TSC1: variants seen among roughly 807,000 people sequenced by gnomAD.
TSC1 encodes TSC complex subunit 1.
A neutral mutation model predicts 124.3 loss-of-function variants in TSC1; 20 were observed. The ratio of observed to expected loss-of-function variants is 0.16; its 90% CI spans 0.11 to 0.23. The LOEUF is 0.23. Among genes scored for constraint, TSC1 ranks in the 10% least tolerant of loss-of-function variants. The pLI, the probability that TSC1 is intolerant of heterozygous loss-of-function variation, is 1.00. For missense variants in TSC1, 1,124 were observed against 1,448.5 expected, an observed-to-expected ratio of 0.78 and a Z score of 3.64; for synonymous variants, 493 against 539.1, an observed-to-expected ratio of 0.91 and a Z score of 1.19.
chr9:132,907,455 G>T, intron 12 of TSC1, 85 bp from the exon 13 acceptor site: 1 of 1,046,900 alleles, frequency 9.6e-7, no homozygotes, highest in Non-Finnish European at 1.5e-6. Flanking sequence ...TTAAAGGTCA[G>T]CCGAGTGCAG....
Position 132,903,900 on chromosome 9 carries a change from TAAC to T in TSC1, c.2042-86_2042-84del. 1.1e-5 allele frequency: 16 copies of T among 1,513,568 alleles called. No individual in the cohort carries two copies. The highest frequency in any genetic ancestry group is 1.5e-5 in the Non-Finnish European group (16 of 1,097,108). The allele number at this position is 1,513,568 out of a possible 1,614,324, so 93.8% of individuals were successfully genotyped here. ...GCCCCCTTCCCATGTGTTGTTAGCT[TAAC>T]AAACACAATTCTTTAAAAACAAATC... is the stretch of plus-strand genomic sequence containing the variant. On this transcript the variant is annotated intron_variant, in intron 16 of 22. Transcript: ENST00000298552. This position sits in a 1 kb window ranked among gnomAD's most constrained non-coding sequence, Gnocchi z 5.9.
chr9:132,896,944 A>G lies in TSC1; in HGVS notation c.2976-190T>C, dbSNP rs747142754. Among the ~76,000 whole-genome samples, 2 of 152,218 alleles carry G rather than the reference A, an allele frequency of 1.3e-5. No homozygotes were observed. The highest frequency in any genetic ancestry group is 2.4e-5 in the African/African-American group (1 of 41,454). ...TCACAACTAGGGATAGTAGGTGGCA[A>G]TCTTAAGTGTGAACACTTCCTGTGG... On this transcript the variant is annotated intron_variant, in intron 22 of 22. Transcript: ENST00000298552. This position sits in a 1 kb window ranked among gnomAD's most constrained non-coding sequence, Gnocchi z 4.5.
Position 132,895,921 on chromosome 9 carries a change from C to G in TSC1, c.*314G>C. The G allele has an allele frequency of 4.4e-6, 2 of 451,662 alleles. No individual in the cohort carries two copies. The highest frequency in any genetic ancestry group is 4.7e-5 in the South Asian group (2 of 42,344). The allele number at this position is 451,662 out of a possible 1,614,324, so 28.0% of individuals were successfully genotyped here. A position where few individuals can be genotyped will look rare whatever the true frequency, so the allele number is the denominator to read the frequency against. On this transcript the variant is annotated 3_prime_UTR_variant, in exon 23 of 23. Transcript: ENST00000298552. The stretch of plus-strand genomic sequence containing the variant: ...AATTTGGCCTCATATTGCACAGGTT[C>G]AAAGGACGCAACCATTTGGGGGGGA...
chr9:132,932,665 C>T (rs938930056), intron 2 of TSC1, among the ~76,000 whole-genome samples: 3 of 152,192 alleles, frequency 2.0e-5, no homozygotes, highest in African/African-American at 4.8e-5. Flanking sequence ...TCCCAACCCC[C>T]CTCTGCCTCT....
chr9:132,894,786 T>C lies in TSC1; in HGVS notation c.*1449A>G. ...CGTACCGTGACAGTTTTTTACCTCT[T>C]TATGACTGAATCCTTCTATTCTTTT... is the stretch of plus-strand genomic sequence containing the variant. On this transcript the variant is annotated 3_prime_UTR_variant, in exon 23 of 23. Coordinates refer to ENST00000298552, the MANE Select transcript of TSC1 (RefSeq NM_000368.5). 1 of 231,608 alleles carries C rather than the reference T, an allele frequency of 4.3e-6. No individual in the cohort carries two copies. Among genetic ancestry groups the C allele is most frequent in the East Asian group, 6.1e-5 (1 of 16,414 alleles). The allele number at this position is 231,608 out of a possible 1,614,324, so 14.3% of individuals were successfully genotyped here. A position where few individuals can be genotyped will look rare whatever the true frequency, so the allele number is the denominator to read the frequency against.
rs1428926819 is a variant in TSC1, at chr9:132,903,506, C to G, written c.2208+145G>C. Reference sequence around the variant, plus strand: ...GAGGGAATTCCGAGGTGTCACCATTCATGTCTTAATCTCAAGCGACCTGCC... The same window carrying G: ...GAGGGAATTCCGAGGTGTCACCATTGATGTCTTAATCTCAAGCGACCTGCC... On this transcript the variant is annotated intron_variant, in intron 17 of 22. Coordinates refer to ENST00000298552, the MANE Select transcript of TSC1 (RefSeq NM_000368.5). This position sits in a 1 kb window ranked among gnomAD's most constrained non-coding sequence, Gnocchi z 5.9. The G allele has an allele frequency of 9.0e-7, 1 of 1,112,358 alleles. No homozygotes were observed. Among genetic ancestry groups the G allele is most frequent in the African/African-American group, 1.5e-5 (1 of 64,664 alleles). 68.9% of individuals were successfully genotyped at this position (1,112,358 alleles called of 1,614,324 possible). A position where few individuals can be genotyped will look rare whatever the true frequency, so the allele number is the denominator to read the frequency against.
At chr9:132,914,119 TG>T (rs1426935354) in intron 8 of TSC1, among the ~76,000 whole-genome samples, 1 of 151,758 alleles carries the variant, frequency 6.6e-6, no homozygotes, top group African/African-American at 2.4e-5. Context: ...AGGCTGGTCT[TG>T]AACTCCTGAC....
intron 9 of TSC1, 113 bp downstream of exon 9, chr9:132,912,169 A>G: frequency 7.5e-7 from 1 of 1,333,992 alleles, no homozygotes; most frequent in Non-Finnish European, 1.0e-6. Context: ...ATTTTGGGAA[A>G]AATCCCTAGG....
chr9:132,900,362 T>C (rs1307714054), intron 20 of TSC1: 4 of 365,824 alleles, frequency 1.1e-5, no homozygotes, highest in Non-Finnish European at 2.1e-5. Context: ...CAGCACTCTA[T>C]ATCCATGGTC....
chr9:132,903,300 C>CT lies in TSC1; in HGVS notation c.2208+350dup, dbSNP rs577163333. Among the ~76,000 whole-genome samples, 31 of 152,360 alleles carry CT rather than the reference C, an allele frequency of 2.0e-4. No homozygotes were observed. The East Asian group carries it at 4.2e-3, about 21-fold the overall frequency. On this transcript the variant is annotated intron_variant, in intron 17 of 22. Coordinates refer to ENST00000298552, the MANE Select transcript of TSC1 (RefSeq NM_000368.5). The surrounding 1 kb of genome is among the most constrained non-coding windows in gnomAD (Gnocchi z 5.9). ...TAGAGCCAAGATTCAAACTCCAGGCCTGACTGGCTTCACACCCGCTGTACA... is the reference window on the plus strand; with the variant it reads ...TAGAGCCAAGATTCAAACTCCAGGCCTTGACTGGCTTCACACCCGCTGTACA...
At position 132,905,896 on chromosome 9, in the gene TSC1, C is replaced by T. The variant is rs2131832724; in HGVS notation, c.1682G>A (p.Ser561Asn). Reference sequence around the variant, plus strand: ...GTCTCCCGCAGGGCTTTCATCAGCACTGCCGCAGGGCAGGTCTATGGGAGT... The same window carrying T: ...GTCTCCCGCAGGGCTTTCATCAGCATTGCCGCAGGGCAGGTCTATGGGAGT... ...AFTPIDLPCG[S>N]ADESPAGDRE... is the part of the protein sequence containing the mutation. Residue 561 changes from serine to asparagine, a missense_variant, in exon 15 of 23, where the codon AGT becomes AAT. Ser to Asn is a conservative substitution (Grantham distance 46). Around this residue, in one of 5 missense-constraint regions of TSC1, gnomAD observed 321 missense variants for 397.4 expected, o/e 0.81. Coordinates refer to ENST00000298552, the MANE Select transcript of TSC1 (RefSeq NM_000368.5). 1 of 1,612,134 alleles carries T rather than the reference C, an allele frequency of 6.2e-7. No individual in the cohort carries two copies. The highest frequency in any genetic ancestry group is 8.5e-7 in the Non-Finnish European group (1 of 1,178,422).
chr9:132,923,700 A>G lies in TSC1; in HGVS notation c.364-208T>C. On this transcript the variant is annotated intron_variant, in intron 5 of 22. Coordinates refer to ENST00000298552, the MANE Select transcript of TSC1 (RefSeq NM_000368.5). This position sits in a 1 kb window ranked among gnomAD's most constrained non-coding sequence, Gnocchi z 4.2. ...ACTGAGCCCCAACTCTACTGTAATGAGTCAGTGAGGACCATTTACAACACA... is the reference window on the plus strand; with the variant it reads ...ACTGAGCCCCAACTCTACTGTAATGGGTCAGTGAGGACCATTTACAACACA... 1 of 675,872 alleles carries G rather than the reference A, an allele frequency of 1.5e-6. No individual in the cohort carries two copies. Among genetic ancestry groups the G allele is most frequent in the Non-Finnish European group, 2.5e-6 (1 of 401,438 alleles). 41.9% of individuals were successfully genotyped at this position (675,872 alleles called of 1,614,324 possible).
At chr9:132,898,693 C>T (rs1456282749) in intron 20 of TSC1, among the ~76,000 whole-genome samples, 3 of 152,232 alleles carry the variant, frequency 2.0e-5, no homozygotes, top group Non-Finnish European at 4.4e-5. Context: ...GAACCAGGAA[C>T]ATCCGTGCAC....
At chr9:132,934,556 C>A (rs754615843) in intron 2 of TSC1, 1 of 152,642 alleles carries the variant, frequency 6.6e-6, no homozygotes, top group Admixed American at 6.5e-5. Flanking sequence ...GGATGGAATC[C>A]GGACATCACA....
At position 132,916,227 on chromosome 9, in the gene TSC1, G is replaced by A. The variant is rs80137998; in HGVS notation, c.738-3770C>T. On this transcript the variant is annotated intron_variant, in intron 8 of 22. Coordinates refer to ENST00000298552, the MANE Select transcript of TSC1 (RefSeq NM_000368.5). ...AATAGAAGTACAGCACACATCTAAC[G>A]GCATCTGAGATCCAATGAAATATGG... Among the ~76,000 whole-genome samples, 1,264 of 151,572 alleles carry A rather than the reference G, an allele frequency of 8.3e-3. 11 individuals are homozygous for A. The highest frequency in any genetic ancestry group is 0.014 in the Non-Finnish European group (967 of 67,922).
chr9:132,931,905 T>C (rs1344973869), intron 2 of TSC1, among the ~76,000 whole-genome samples: 1 of 152,150 alleles, frequency 6.6e-6, no homozygotes, highest in South Asian at 2.1e-4. Context: ...GGATGAAATA[T>C]ACACATGTTA....
chr9:132,916,831 G>A (rs1384218845), intron 8 of TSC1, among the ~76,000 whole-genome samples: 2 of 152,190 alleles, frequency 1.3e-5, no homozygotes, highest in African/African-American at 4.8e-5. Context: ...AGCACTGCCT[G>A]TTATCCTGAC....
chr9:132,904,559 A>C, intron 15 of TSC1, 105 bp from the exon 16 acceptor site: 1 of 1,099,050 alleles, frequency 9.1e-7, no homozygotes, highest in Non-Finnish European at 1.4e-6. Flanking sequence ...TGTGGTCAAA[A>C]TCTGCAATGG....
chr9:132,906,519 A>G lies in TSC1; in HGVS notation c.1438+212T>C. ...AGCCATGATCGTACCACTGCACTCC[A>G]GCCAGGGTGACAGAGCAAGACCCTG... On this transcript the variant is annotated intron_variant, in intron 14 of 22. Transcript: ENST00000298552. This position sits in a 1 kb window ranked among gnomAD's most constrained non-coding sequence, Gnocchi z 4.1. The G allele has an allele frequency of 1.8e-6, 1 of 553,152 alleles. No individual in the cohort carries two copies. The allele number at this position is 553,152 out of a possible 1,614,324, so 34.3% of individuals were successfully genotyped here. A position where few individuals can be genotyped will look rare whatever the true frequency, so the allele number is the denominator to read the frequency against.
Sources: allele counts gnomAD v4.1 joint callset (sites outside exome capture counted in the v4.1 genomes callset), GRCh38; gene constraint gnomAD v4.1.1; regional missense constraint gnomAD v4.1.1; non-coding constraint Gnocchi (gnomAD v3.1); transcripts MANE v1.5; gene names NCBI Gene and HGNC (gene_info 2026-07-23, HGNC 2026-07-21).